Variants in MACROD2 observed in about 807,000 individuals in gnomAD.
MACROD2 encodes the protein ADP-ribose glycohydrolase MACROD2.
A neutral mutation model predicts 70.4 loss-of-function variants in MACROD2; 36 were observed. The observed-to-expected ratio is 0.51, with a 90% CI of 0.39 to 0.68. The LOEUF (loss-of-function observed/expected upper bound fraction) is 0.68, where lower values mean the gene tolerates loss of function less well. Among genes scored for constraint, MACROD2 ranks in the 30% least tolerant of loss-of-function variants. MACROD2 has a pLI of 0.00. For missense variants in MACROD2, 496 were observed against 538.4 expected, an observed-to-expected ratio of 0.92 and a Z score of 0.78; for synonymous variants, 172 against 178.8, an observed-to-expected ratio of 0.96 and a Z score of 0.30.
intron 8 of MACROD2, among the ~76,000 whole-genome samples, chr20:15,746,359 C>T (rs1012995017): frequency 4.6e-5 from 7 of 151,588 alleles, no homozygotes; most frequent in African/African-American, 1.7e-4. Flanking sequence ...GTATGCATAG[C>T]CTTGGTAAAC....
At chr20:14,443,299 C>CTT (rs34612697) in intron 3 of MACROD2, among the ~76,000 whole-genome samples, 20,908 of 135,934 alleles carry the variant, frequency 0.15, 2,197 homozygotes, top group Non-Finnish European at 0.23. Context: ...ATTACCTATG[C>CTT]TTTTTTTTTT....
At chr20:14,686,027 AAC>A (rs2070998000) in intron 5 of MACROD2, among the ~76,000 whole-genome samples, 2 of 152,184 alleles carry the variant, frequency 1.3e-5, no homozygotes, top group Admixed American at 6.5e-5. Context: ...AATATATTAA[AAC>A]AGTATTTTTC....
At chr20:15,062,316 G>A (rs116924205) in intron 5 of MACROD2, among the ~76,000 whole-genome samples, 2,606 of 152,222 alleles carry the variant, frequency 0.017, 41 homozygotes, top group Non-Finnish European at 0.028. Context: ...TTTTAGTTGA[G>A]CAATGATTTG....
At chr20:15,473,934 A>G (rs908656705) in intron 7 of MACROD2, among the ~76,000 whole-genome samples, 4 of 152,230 alleles carry the variant, frequency 2.6e-5, no homozygotes, top group African/African-American at 4.8e-5. Context: ...GTGTGTCTGC[A>G]TGTTCCAGAG....
intron 5 of MACROD2, among the ~76,000 whole-genome samples, chr20:14,987,812 G>A (rs959364539): frequency 3.3e-5 from 5 of 151,962 alleles, no homozygotes; most frequent in Admixed American, 3.3e-4. Flanking sequence ...TCTTCAGAAC[G>A]CTTTCATTAA....
chr20:15,637,766 C>G (rs908501759), intron 8 of MACROD2, among the ~76,000 whole-genome samples: 1 of 152,134 alleles, frequency 6.6e-6, no homozygotes, highest in Admixed American at 6.5e-5. Context: ...CATGGCAACC[C>G]CTCTTCCATG....
At chr20:15,447,057 T>C (rs1209390739) in intron 7 of MACROD2, among the ~76,000 whole-genome samples, 1 of 86,026 alleles carries the variant, frequency 1.2e-5, no homozygotes, top group African/African-American at 3.2e-5. Flanking sequence ...TGTGCGTGTG[T>C]GTGTGTGTGT....
chr20:15,713,265 A>G (rs1207164933), intron 8 of MACROD2, among the ~76,000 whole-genome samples: 2 of 152,240 alleles, frequency 1.3e-5, no homozygotes, highest in Non-Finnish European at 2.9e-5. Flanking sequence ...TTGCTATACA[A>G]GATGCTCCGA....
intron 4 of MACROD2, among the ~76,000 whole-genome samples, chr20:14,636,771 C>T (rs1984809514): frequency 6.6e-6 from 1 of 151,838 alleles, no homozygotes; most frequent in Admixed American, 6.6e-5. Flanking sequence ...TGAGCACCTA[C>T]TAATATAAGG....
chr20:15,599,344 A>T (rs1340128053), intron 8 of MACROD2, among the ~76,000 whole-genome samples: 1 of 152,088 alleles, frequency 6.6e-6, no homozygotes, highest in East Asian at 1.9e-4. Flanking sequence ...GTGAGCCGAG[A>T]TCGCGCCACT....
At position 14,563,068 on chromosome 20, in the gene MACROD2, G is replaced by T. The variant is rs533058776; in HGVS notation, c.301+69560G>T. ...ACCTTTACTTGGGCTAGATTAGACT[G>T]TAGACCTTACCATTGCAGGAGTAGG... is the stretch of plus-strand genomic sequence containing the variant. On this transcript the variant is annotated intron_variant, in intron 4 of 17. Transcript: ENST00000684519. 9.9e-5 allele frequency among the ~76,000 whole-genome samples: 15 copies of T among 151,934 alleles called. No individual in the cohort carries two copies. In the East Asian group the frequency reaches 2.1e-3, roughly 22 times the overall value.
chr20:15,784,051 AAAGT>A (rs1600886455), intron 8 of MACROD2, among the ~76,000 whole-genome samples: 1 of 152,152 alleles, frequency 6.6e-6, no homozygotes, highest in Admixed American at 6.5e-5. Context: ...CCTTGAAAGA[AAAGT>A]TAGTTGTTAG....
chr20:14,898,856 C>A (rs2122541996), intron 5 of MACROD2, among the ~76,000 whole-genome samples: 1 of 152,242 alleles, frequency 6.6e-6, no homozygotes, highest in South Asian at 2.1e-4. Context: ...GCCCTCCCTC[C>A]CAACAAATAG....
At chr20:15,793,664 A>C (rs2063646286) in intron 8 of MACROD2, among the ~76,000 whole-genome samples, 1 of 151,528 alleles carries the variant, frequency 6.6e-6, no homozygotes, top group Admixed American at 6.6e-5. Context: ...AGACTTAGTG[A>C]AATATTAAAT....
rs978963908 is a variant in MACROD2, at chr20:14,413,828, A to G, written c.272-79651A>G. ...CTTTTTTTTTCCTGTTGAAATTGCT[A>G]TGAAACCATTCACAGGATGGGCAGA... On this transcript the variant is annotated intron_variant, in intron 3 of 17. Coordinates refer to ENST00000684519, the MANE Select transcript of MACROD2 (RefSeq NM_001351661.2). 5.3e-5 allele frequency among the ~76,000 whole-genome samples: 8 copies of G among 151,636 alleles called. No individual in the cohort carries two copies. The East Asian group carries it at 7.7e-4, about 15-fold the overall frequency.
chr20:15,964,618 A>G (rs2066111945), intron 12 of MACROD2, among the ~76,000 whole-genome samples: 1 of 152,148 alleles, frequency 6.6e-6, no homozygotes. Flanking sequence ...ATTATGAGTA[A>G]GGATTTCACG....
intron 15 of MACROD2, among the ~76,000 whole-genome samples, chr20:16,006,292 T>C (rs2066787506): frequency 6.6e-6 from 1 of 152,146 alleles, no homozygotes; most frequent in Admixed American, 6.5e-5. Flanking sequence ...CAAGGGGCCA[T>C]TTTTGGGGAG....
chr20:14,959,514 C>T lies in MACROD2; in HGVS notation c.419-270426C>T, dbSNP rs962080234. Among the ~76,000 whole-genome samples the T allele has an allele frequency of 3.9e-5, 6 of 152,012 alleles. 1 individual carries two copies. Among genetic ancestry groups the T allele is most frequent in the Non-Finnish European group, 8.8e-5 (6 of 68,004 alleles). On this transcript the variant is annotated intron_variant, in intron 5 of 17. Transcript: ENST00000684519. ...CACTACCTTTATTTCTTCTTTTTCC[C>T]TCCCTCCCCAAATACAAGCAAACCA...
At chr20:14,978,375 G>C (rs1408666560) in intron 5 of MACROD2, among the ~76,000 whole-genome samples, 31 of 138,396 alleles carry the variant, frequency 2.2e-4, no homozygotes, top group African/African-American at 3.7e-4. Flanking sequence ...TCCGCGCCCC[G>C]CCCCCCCCAC....
Sources: gnomAD v4.1 joint callset for allele counts (sites outside exome capture counted in the v4.1 genomes callset) on GRCh38, gnomAD v4.1.1 for gene constraint, MANE v1.5 for transcripts, NCBI Gene and HGNC (gene_info 2026-07-23, HGNC 2026-07-21) for gene names.